The following CTNNA3 variants were observed in gnomAD, a reference collection of about 807,000 sequenced individuals.
CTNNA3 encodes the protein catenin alpha-3.
Under a neutral mutation model 95.7 loss-of-function variants are expected in CTNNA3, and 76 were observed. The ratio of observed to expected loss-of-function variants is 0.79; its 90% CI spans 0.66 to 0.96. The LOEUF is 0.96. CTNNA3 is among the 40% of genes least tolerant of loss of function. CTNNA3 has a pLI of 0.00. For missense variants in CTNNA3, 1,191 were observed against 1,089.8 expected (o/e 1.09, Z -1.31); for synonymous variants, 431 against 374.4 (o/e 1.15, Z -1.74).
At chr10:67,761,683 C>T (rs1841462263) in intron 1 of CTNNA3, among the ~76,000 whole-genome samples, 1 of 152,094 alleles carries the variant, frequency 6.6e-6, no homozygotes, top group Admixed American at 6.6e-5. Flanking sequence ...TCGAGACCAT[C>T]CTGGCTAACA....
intron 13 of CTNNA3, among the ~76,000 whole-genome samples, chr10:66,270,963 A>T (rs1287886474): frequency 6.6e-6 from 1 of 152,192 alleles, no homozygotes; most frequent in East Asian, 1.9e-4. Flanking sequence ...TTATGTGTTT[A>T]TAACTGTTCC....
At chr10:67,414,854 T>A (rs1386468316) in intron 5 of CTNNA3, among the ~76,000 whole-genome samples, 1 of 152,176 alleles carries the variant, frequency 6.6e-6, no homozygotes, top group Non-Finnish European at 1.5e-5. Context: ...TTTGCGTTTG[T>A]TGCACATGTT....
Position 67,599,455 on chromosome 10 carries a change from G to GTT in CTNNA3, c.292+7401_292+7402insAA, listed in dbSNP as rs546632198. Among the ~76,000 whole-genome samples, 443 of 152,228 alleles carry GTT rather than the reference G, an allele frequency of 2.9e-3. 13 individuals carry two copies. In the Middle Eastern group the frequency reaches 0.031, roughly 11 times the overall value. On this transcript the variant is annotated intron_variant, in intron 3 of 17. Transcript: ENST00000433211. ...CAGTTGTAGTCAGCAAATAAAGGGT[G>GTT]TAATGCAACTATCATAAATAGATTT... is the stretch of plus-strand genomic sequence containing the variant.
intron 13 of CTNNA3, among the ~76,000 whole-genome samples, chr10:66,243,713 G>C (rs1183841995): frequency 6.6e-6 from 1 of 152,166 alleles, no homozygotes; most frequent in Non-Finnish European, 1.5e-5. Flanking sequence ...AGTCTCCTGA[G>C]GCTGAGTCAT....
At chr10:66,721,218 G>A (rs1848618822) in intron 9 of CTNNA3, among the ~76,000 whole-genome samples, 1 of 152,162 alleles carries the variant, frequency 6.6e-6, no homozygotes, top group African/African-American at 2.4e-5. Flanking sequence ...TCTGGAAGAT[G>A]ACTGAGGTAC....
chr10:66,351,541 T>C (rs1446353477), intron 12 of CTNNA3, among the ~76,000 whole-genome samples: 2 of 152,062 alleles, frequency 1.3e-5, no homozygotes, highest in Non-Finnish European at 2.9e-5. Context: ...CTTAATGAGA[T>C]TCATAATTTT....
chr10:66,979,344 A>G (rs1453191363), intron 7 of CTNNA3, among the ~76,000 whole-genome samples: 1 of 152,216 alleles, frequency 6.6e-6, no homozygotes, highest in Non-Finnish European at 1.5e-5. Context: ...TTGTGAAAAT[A>G]GTATTCAATT....
chr10:66,312,944 C>G (rs2092044661), intron 12 of CTNNA3, among the ~76,000 whole-genome samples: 1 of 152,124 alleles, frequency 6.6e-6, no homozygotes, highest in African/African-American at 2.4e-5. Flanking sequence ...GGAGCTCAAA[C>G]ACATTGCCTG....
intron 13 of CTNNA3, among the ~76,000 whole-genome samples, chr10:66,117,973 C>A (rs188217375): frequency 1.5e-3 from 221 of 152,224 alleles, no homozygotes; most frequent in Admixed American, 2.8e-3. Context: ...AGCTGAGGGA[C>A]CACCATGCTG....
intron 5 of CTNNA3, among the ~76,000 whole-genome samples, chr10:67,499,656 C>T (rs1839164035): frequency 6.6e-6 from 1 of 152,052 alleles, no homozygotes; most frequent in African/African-American, 2.4e-5. Context: ...CTGGTTTAGT[C>T]TTGGGAGGGC....
Position 67,109,282 on chromosome 10 carries a change from G to GAAT in CTNNA3, c.1047+71032_1047+71034dup, listed in dbSNP as rs562257079. ...GTAGGGAAAAAATTACTAAGGTGGT[G>GAAT]AATTTGCCTGATATACCAATAAGCA... On this transcript the variant is annotated intron_variant, in intron 7 of 17. Coordinates refer to ENST00000433211, the MANE Select transcript of CTNNA3 (RefSeq NM_013266.4). Among the ~76,000 whole-genome samples, 217 of 152,256 alleles carry GAAT rather than the reference G, an allele frequency of 1.4e-3. 1 individual carries two copies. The highest frequency in any genetic ancestry group is 5.1e-3 in the African/African-American group (212 of 41,564).
At chr10:66,688,389 T>C (rs1358841933) in intron 9 of CTNNA3, among the ~76,000 whole-genome samples, 2 of 152,170 alleles carry the variant, frequency 1.3e-5, no homozygotes, top group Non-Finnish European at 2.9e-5. Flanking sequence ...GTCGCCATGC[T>C]TGTTTTCATC....
intron 11 of CTNNA3, among the ~76,000 whole-genome samples, chr10:66,435,843 G>A (rs2093333345): frequency 6.6e-6 from 1 of 152,144 alleles, no homozygotes; most frequent in South Asian, 2.1e-4. Flanking sequence ...TCTAAACACT[G>A]CTTTAGCTGT....
chr10:67,265,867 T>C (rs529872562), intron 5 of CTNNA3, among the ~76,000 whole-genome samples: 2 of 152,126 alleles, frequency 1.3e-5, no homozygotes, highest in Non-Finnish European at 2.9e-5. Flanking sequence ...GAGAAAAATA[T>C]CTTTATTCTC....
At chr10:67,606,620 C>CG (rs1266918647) in intron 3 of CTNNA3, among the ~76,000 whole-genome samples, 1 of 151,802 alleles carries the variant, frequency 6.6e-6, no homozygotes, top group African/African-American at 2.4e-5. Flanking sequence ...TATGGCAAGG[C>CG]AGGGGAGGAA....
chr10:67,103,270 T>C (rs887443890), intron 7 of CTNNA3, among the ~76,000 whole-genome samples: 1 of 151,888 alleles, frequency 6.6e-6, no homozygotes, highest in Non-Finnish European at 1.5e-5. Flanking sequence ...TTTCTAAGCC[T>C]GACTGAACAT....
intron 5 of CTNNA3, among the ~76,000 whole-genome samples, chr10:67,305,484 C>G (rs768363038): frequency 6.6e-6 from 1 of 151,398 alleles, no homozygotes; most frequent in Non-Finnish European, 1.5e-5. Context: ...AAAGAAGGGT[C>G]TTGTACCCTA....
chr10:67,726,283 T>G (rs1230622174), intron 1 of CTNNA3, among the ~76,000 whole-genome samples: 1 of 101,524 alleles, frequency 9.8e-6, no homozygotes, highest in Admixed American at 1.5e-4. Context: ...TATATTATAT[T>G]ACATATTATA....
chr10:66,618,057 A>G (rs1373376235), intron 10 of CTNNA3, among the ~76,000 whole-genome samples: 1 of 151,618 alleles, frequency 6.6e-6, no homozygotes, highest in Admixed American at 6.6e-5. Flanking sequence ...CAAGGAAATA[A>G]AAAAGGATAC....
Sources: gnomAD v4.1 joint callset for allele counts (sites outside exome capture counted in the v4.1 genomes callset) on GRCh38, gnomAD v4.1.1 for gene constraint, MANE v1.5 for transcripts, NCBI Gene and HGNC (gene_info 2026-07-23, HGNC 2026-07-21) for gene names.